The following ARHGEF38 variants were observed in gnomAD, a reference collection of about 807,000 sequenced individuals.
ARHGEF38 encodes Rho guanine nucleotide exchange factor (GEF) 38.
In ARHGEF38, 79 loss-of-function variants were observed where a neutral mutation model predicts 79.9. The ratio of observed to expected loss-of-function variants is 0.99; its 90% confidence interval spans 0.82 to 1.19. ARHGEF38 has a LOEUF of 1.19. Ranked by LOEUF, ARHGEF38 falls within the 50% of genes most tolerant of loss-of-function variation. The pLI is 0.00. For missense variants in ARHGEF38, 962 were observed against 907.2 expected, an observed-to-expected ratio of 1.06 and a Z score of -0.78; for synonymous variants, 366 against 328.3, an observed-to-expected ratio of 1.11 and a Z score of -1.24.
At chr4:105,604,098 G>A (rs1425595221) in intron 2 of ARHGEF38, among the ~76,000 whole-genome samples, 1 of 152,094 alleles carries the variant, frequency 6.6e-6, no homozygotes, top group Non-Finnish European at 1.5e-5. Context: ...GGAGTGCCAT[G>A]CGGCAGGAGG....
At chr4:105,598,835 G>A (rs1033911834) in intron 2 of ARHGEF38, among the ~76,000 whole-genome samples, 4 of 151,392 alleles carry the variant, frequency 2.6e-5, no homozygotes, top group Non-Finnish European at 4.4e-5. Flanking sequence ...TTTTATGTAA[G>A]TGTGTTAATA....
Position 105,589,754 on chromosome 4 carries a change from C to T in ARHGEF38, c.384+319C>T, listed in dbSNP as rs369731205. 4.6e-5 allele frequency among the ~76,000 whole-genome samples: 7 copies of T among 152,020 alleles called. No individual in the cohort carries two copies. The East Asian group carries it at 7.7e-4, about 17-fold the overall frequency. On this transcript the variant is annotated intron_variant, in intron 2 of 13. Coordinates refer to ENST00000420470, the MANE Select transcript of ARHGEF38 (RefSeq NM_001242729.2). ...AAGGAATGAAATAAGGGGACAAGGCCGGGTGCTGTGGCTCATGCCTGTAAC... is the reference window on the plus strand; with the variant it reads ...AAGGAATGAAATAAGGGGACAAGGCTGGGTGCTGTGGCTCATGCCTGTAAC...
rs140786936 is a variant in ARHGEF38 at position 105,564,345 on chromosome 4, C to T, written c.196+11384C>T. On this transcript the variant is annotated intron_variant, in intron 1 of 13. Coordinates refer to ENST00000420470, the MANE Select transcript of ARHGEF38 (RefSeq NM_001242729.2). ...AAACATTTGCAGTAAAATTCTGACACGCTACTACATGGATGATCATCAAAG... is the reference window on the plus strand; with the variant it reads ...AAACATTTGCAGTAAAATTCTGACATGCTACTACATGGATGATCATCAAAG... Among the ~76,000 whole-genome samples the T allele has an allele frequency of 4.0e-4, 61 of 152,190 alleles. 1 individual carries two copies. In the East Asian group the frequency reaches 0.01, roughly 26 times the overall value.
At chr4:105,596,811 G>A (rs1179516116) in intron 2 of ARHGEF38, among the ~76,000 whole-genome samples, 1 of 152,154 alleles carries the variant, frequency 6.6e-6, no homozygotes, top group Admixed American at 6.5e-5. Context: ...GGGCATCCCT[G>A]GTGACCGTCA....
intron 6 of ARHGEF38, among the ~76,000 whole-genome samples, chr4:105,646,072 T>G (rs1035628648): frequency 6.6e-6 from 1 of 152,208 alleles, no homozygotes; most frequent in Non-Finnish European, 1.5e-5. Flanking sequence ...AAGTTCTTAG[T>G]TGGTGTTGTA....
chr4:105,609,908 G>C (rs888673643), intron 2 of ARHGEF38, among the ~76,000 whole-genome samples: 1 of 152,022 alleles, frequency 6.6e-6, no homozygotes, highest in Non-Finnish European at 1.5e-5. Flanking sequence ...ACATGCACAC[G>C]TATGTTTACT....
At chr4:105,609,437 T>C (rs572524265) in intron 2 of ARHGEF38, among the ~76,000 whole-genome samples, 59 of 152,108 alleles carry the variant, frequency 3.9e-4, no homozygotes, top group African/African-American at 1.3e-3. Flanking sequence ...CTACTTAACA[T>C]TGATAAAAGA....
chr4:105,598,772 T>C (rs1389643957), intron 2 of ARHGEF38, among the ~76,000 whole-genome samples: 1 of 151,984 alleles, frequency 6.6e-6, no homozygotes, highest in Non-Finnish European at 1.5e-5. Context: ...TAAGGCCAGA[T>C]ACCTGAGGTC....
At chr4:105,611,686 A>G (rs1365943666) in intron 2 of ARHGEF38, among the ~76,000 whole-genome samples, 1 of 152,048 alleles carries the variant, frequency 6.6e-6, no homozygotes, top group Non-Finnish European at 1.5e-5. Flanking sequence ...CAAGCAAAAA[A>G]CCACATGTGC....
At chr4:105,574,668 T>C (rs551331025) in intron 1 of ARHGEF38, among the ~76,000 whole-genome samples, 1 of 152,218 alleles carries the variant, frequency 6.6e-6, no homozygotes, top group African/African-American at 2.4e-5. Flanking sequence ...ATTTTTTATA[T>C]ATGGCTTTTA....
intron 1 of ARHGEF38, among the ~76,000 whole-genome samples, chr4:105,586,087 G>A (rs1578280637): frequency 6.6e-6 from 1 of 151,860 alleles, no homozygotes; most frequent in Non-Finnish European, 1.5e-5. Context: ...GCTGATTTGG[G>A]CGATATGTGT....
In ARHGEF38 at chr4:105,667,162, T is replaced by A; in HGVS notation, c.1723T>A (p.Ser575Thr). ...GCCACATCAAACTGACATTCATCGCTCCAAACTTCTATCCACATATAGTGC... is the reference window on the plus strand; with the variant it reads ...GCCACATCAAACTGACATTCATCGCACCAAACTTCTATCCACATATAGTGC... ...EMPHQTDIHR[S>T]KLLSTYSAEE... The change falls in exon 12 of 14, where the codon TCC becomes ACC. Residue 575 changes from serine (S) to threonine (T), a missense_variant. Transcript: ENST00000420470. 6.5e-7 allele frequency: 1 copy of A among 1,535,198 alleles called. No individual in the cohort carries two copies.
At chr4:105,574,968 T>C (rs1310379847) in intron 1 of ARHGEF38, among the ~76,000 whole-genome samples, 1 of 148,876 alleles carries the variant, frequency 6.7e-6, no homozygotes, top group Admixed American at 6.9e-5. Context: ...TGCACACACA[T>C]ATATATAGCA....
At chr4:105,570,225 G>A (rs1726151936) in intron 1 of ARHGEF38, 1 of 152,114 alleles carries the variant, frequency 6.6e-6, no homozygotes, top group Non-Finnish European at 1.5e-5. Flanking sequence ...AATAAATAAT[G>A]CATATTTTAA....
At chr4:105,629,285 AAAT>A (rs1232316784) in intron 3 of ARHGEF38, among the ~76,000 whole-genome samples, 1 of 152,164 alleles carries the variant, frequency 6.6e-6, no homozygotes, top group Admixed American at 6.5e-5. Flanking sequence ...TCCAGGGAAA[AAAT>A]AAGAATACAG....
chr4:105,561,641 G>A (rs1001537612), intron 1 of ARHGEF38: 2 of 152,090 alleles, frequency 1.3e-5, no homozygotes, highest in African/African-American at 4.8e-5. Flanking sequence ...GACCTAAAGT[G>A]ATGTAGGTAA....
intron 3 of ARHGEF38, among the ~76,000 whole-genome samples, chr4:105,614,172 G>C (rs1032371705): frequency 2.0e-5 from 3 of 152,112 alleles, no homozygotes; most frequent in African/African-American, 7.2e-5. Flanking sequence ...TATGTGCTAT[G>C]AATTCCTTAA....
Position 105,645,270 on chromosome 4 carries a change from G to GT in ARHGEF38, c.757_758insT (p.Glu253ValfsTer27), listed in dbSNP as rs1216947878. 1 of 1,536,584 alleles carries GT rather than the reference G, an allele frequency of 6.5e-7. No homozygotes were observed. The highest frequency in any genetic ancestry group is 8.7e-7 in the Non-Finnish European group (1 of 1,146,984). On this transcript the variant is annotated frameshift_variant, in exon 6 of 14. Transcript: ENST00000420470. LOFTEE classifies it high-confidence loss of function. ...GATGAAATACCCCCTATTACTGTGC[G>GT]AACTTCGGAATTCCACCCCTCCCTC...
intron 3 of ARHGEF38, among the ~76,000 whole-genome samples, chr4:105,623,084 A>G (rs1007132493): frequency 6.6e-6 from 1 of 152,208 alleles, no homozygotes; most frequent in South Asian, 2.1e-4. Context: ...CCATGGCAGG[A>G]AAATATCAAA....
Sources: allele counts gnomAD v4.1 joint callset (sites outside exome capture counted in the v4.1 genomes callset), GRCh38; gene constraint gnomAD v4.1.1; transcripts MANE v1.5; gene names NCBI Gene and HGNC (gene_info 2026-07-23, HGNC 2026-07-21).